The following PLXDC1 variants were observed in gnomAD, a reference collection of about 807,000 sequenced individuals.
PLXDC1 encodes plexin domain containing 1, also known as plexin domain-containing protein 1.
PLXDC1 carries 39 observed loss-of-function variants against 61.3 expected under a neutral mutation model. The observed-to-expected ratio is 0.64, with a 90% CI of 0.49 to 0.83. PLXDC1 has a LOEUF of 0.83. Ranked by LOEUF, PLXDC1 falls within the 40% of genes least tolerant of loss-of-function variation. The probability of loss-of-function intolerance (pLI) is 0.00; values close to 1 mark genes in which losing one functional copy is unlikely to be tolerated. For synonymous variants in PLXDC1, 212 were observed against 254.5 expected (o/e 0.83, Z 1.59); for missense variants, 596 against 666.5 (o/e 0.89, Z 1.17).
chr17:39,087,589 G>A lies in PLXDC1; in HGVS notation c.907+18C>T, dbSNP rs146051898. ...ACTCCAGAGCTCTTTCTGGGATGGC[G>A]GAATGACCCCTACTCACTCGGCAAT... On this transcript the variant is annotated intron_variant, in intron 8 of 13. Coordinates refer to ENST00000315392, the MANE Select transcript of PLXDC1 (RefSeq NM_020405.5). 461 of 1,591,844 alleles carry A rather than the reference G, an allele frequency of 2.9e-4. 3 individuals are homozygous for A. The East Asian group carries it at 9.5e-3, about 33-fold the overall frequency.
Position 39,066,361 on chromosome 17 carries a change from T to C in PLXDC1, c.*1479A>G, listed in dbSNP as rs1417243441. The C allele has an allele frequency of 2.0e-5, 3 of 152,232 alleles. No individual in the cohort carries two copies. Among genetic ancestry groups the C allele is most frequent in the Non-Finnish European group, 2.9e-5 (2 of 68,046 alleles). 9.4% of individuals were successfully genotyped at this position (152,232 alleles called of 1,614,324 possible). A position where few individuals can be genotyped will look rare whatever the true frequency, so the allele number is the denominator to read the frequency against. Reference sequence around the variant, plus strand: ...GTAACATGTTTTGATGCAGAAGTTATTGGTTCTGAGTAGAAAGGGCAAGGT... The same window carrying C: ...GTAACATGTTTTGATGCAGAAGTTACTGGTTCTGAGTAGAAAGGGCAAGGT... On this transcript the variant is annotated 3_prime_UTR_variant, in exon 14 of 14. Transcript: ENST00000315392.
At chr17:39,142,248 C>T (rs1420540837) in intron 1 of PLXDC1, among the ~76,000 whole-genome samples, 1 of 152,180 alleles carries the variant, frequency 6.6e-6, no homozygotes, top group Non-Finnish European at 1.5e-5. Flanking sequence ...CCTATCACTA[C>T]CTAGATACTG....
rs545365548 is a variant in PLXDC1 at position 39,105,903 on chromosome 17, G to A, written c.762C>T (p.Thr254=). Residue 254 remains threonine (T), a synonymous_variant, in exon 7 of 14, where the codon ACC becomes ACT. Coordinates refer to ENST00000315392, the MANE Select transcript of PLXDC1 (RefSeq NM_020405.5). ...EISSSQHPVK[T]GLSDAFMILN... ...GAATCATGAAGGCATCCGATAGGCC[G>A]GTTTTGACAGGATGCTGGGAGGAGC... is the stretch of plus-strand genomic sequence containing the variant. 22 of 1,614,002 alleles carry A rather than the reference G, an allele frequency of 1.4e-5. No individual in the cohort carries two copies. The highest frequency in any genetic ancestry group is 1.2e-4 in the South Asian group (11 of 91,074).
At chr17:39,128,107 A>ATACATATATATGTG (rs1911387079) in intron 2 of PLXDC1, among the ~76,000 whole-genome samples, 2 of 100,632 alleles carry the variant, frequency 2.0e-5, no homozygotes, top group Non-Finnish European at 3.9e-5. Context: ...GTATATATAT[A>ATACATATATATGTG]TATATATGTA....
At chr17:39,079,802 A>G (rs1369739864) in intron 9 of PLXDC1, 1 of 340,580 alleles carries the variant, frequency 2.9e-6, no homozygotes, top group African/African-American at 2.2e-5. Context: ...CTTTGGTGCT[A>G]GGGGAACCCA....
At chr17:39,096,785 T>C (rs558276360) in intron 7 of PLXDC1, 4 of 391,612 alleles carry the variant, frequency 1.0e-5, no homozygotes, top group Non-Finnish European at 2.1e-5. Flanking sequence ...GTTGCTTTTA[T>C]ACTAACCATG....
intron 7 of PLXDC1, among the ~76,000 whole-genome samples, chr17:39,101,737 A>G (rs1314512460): frequency 6.6e-6 from 1 of 152,178 alleles, no homozygotes; most frequent in African/African-American, 2.4e-5. Flanking sequence ...AGTCCCAAGT[A>G]GAAGCAGCAA....
intron 12 of PLXDC1, among the ~76,000 whole-genome samples, chr17:39,070,851 G>A (rs1909087307): frequency 2.0e-5 from 3 of 152,146 alleles, no homozygotes; most frequent in South Asian, 2.1e-4. Context: ...GGTGGCACGC[G>A]CCTGTAGTCC....
At chr17:39,076,962 T>TCCC (rs1909362313) in intron 11 of PLXDC1, among the ~76,000 whole-genome samples, 3 of 152,166 alleles carry the variant, frequency 2.0e-5, no homozygotes, top group Non-Finnish European at 4.4e-5. Flanking sequence ...CTCGAACTCC[T>TCCC]GACCTCGTGA....
At chr17:39,113,430 A>G (rs1910873078) in intron 2 of PLXDC1, among the ~76,000 whole-genome samples, 2 of 152,088 alleles carry the variant, frequency 1.3e-5, no homozygotes, top group Non-Finnish European at 2.9e-5. Context: ...GACAACCTGA[A>G]ATTGTTTTCC....
At chr17:39,090,311 T>A (rs1909897990) in intron 7 of PLXDC1, among the ~76,000 whole-genome samples, 1 of 151,626 alleles carries the variant, frequency 6.6e-6, no homozygotes, top group African/African-American at 2.4e-5. Flanking sequence ...CAATAAAGAT[T>A]CCCTGGAGCT....
At chr17:39,129,707 AGAAG>A (rs1369097786) in intron 2 of PLXDC1, among the ~76,000 whole-genome samples, 5 of 146,238 alleles carry the variant, frequency 3.4e-5, no homozygotes, top group South Asian at 2.1e-4. Flanking sequence ...AAAGAAAGAA[AGAAG>A]GAAAGAAAGA....
chr17:39,083,008 T>G (rs1909617655), intron 9 of PLXDC1, among the ~76,000 whole-genome samples: 1 of 152,146 alleles, frequency 6.6e-6, no homozygotes, highest in Non-Finnish European at 1.5e-5. Flanking sequence ...TGAGGTGGTG[T>G]TTTGGGGTCA....
chr17:39,090,720 C>T (rs781655430), intron 7 of PLXDC1, among the ~76,000 whole-genome samples: 22 of 152,162 alleles, frequency 1.4e-4, no homozygotes, highest in Admixed American at 2.6e-4. Flanking sequence ...CTCTCTGCCC[C>T]GACTGCTTTT....
At position 39,074,081 on chromosome 17, in the gene PLXDC1, G is replaced by A. The variant is rs117533462; in HGVS notation, c.1187-1596C>T. The stretch of plus-strand genomic sequence containing the variant: ...GCCTGTACCCTCATAGAATGTATGG[G>A]AAAGACTCTATCCCACACCTGCCTC... On this transcript the variant is annotated intron_variant, in intron 11 of 13. Coordinates refer to ENST00000315392, the MANE Select transcript of PLXDC1 (RefSeq NM_020405.5). Among the ~76,000 whole-genome samples the A allele has an allele frequency of 1.1e-3, 161 of 152,232 alleles. 1 individual carries two copies. The East Asian group carries it at 0.023, about 22-fold the overall frequency.
Position 39,093,718 on chromosome 17 carries a change from A to AAT in PLXDC1, c.812-6018_812-6017dup, listed in dbSNP as rs35254356. On this transcript the variant is annotated intron_variant, in intron 7 of 13. Coordinates refer to ENST00000315392, the MANE Select transcript of PLXDC1 (RefSeq NM_020405.5). Reference sequence around the variant, plus strand: ...GCGACAGAGAAAGACTCCGTCTTAAAATATATATATATATATATAAAATTA... The same window carrying AAT: ...GCGACAGAGAAAGACTCCGTCTTAAAATATATATATATATATATATAAAATTA... Among the ~76,000 whole-genome samples, 317 of 150,260 alleles carry AAT rather than the reference A, an allele frequency of 2.1e-3. 2 individuals carry two copies. The highest frequency in any genetic ancestry group is 3.8e-3 in the South Asian group (18 of 4,762).
At chr17:39,129,711 G>GGAAGGAAAGAAAGAAAGAAAGAAA (rs1911486272) in intron 2 of PLXDC1, among the ~76,000 whole-genome samples, 3 of 108,256 alleles carry the variant, frequency 2.8e-5, no homozygotes, top group African/African-American at 1.1e-4. Flanking sequence ...AAAGAAAGAA[G>GGAAGGAAAGAAAGAAAGAAAGAAA]GAAAGAAAGA....
chr17:39,081,634 A>G (rs904853503), intron 9 of PLXDC1, among the ~76,000 whole-genome samples: 60 of 150,840 alleles, frequency 4.0e-4, no homozygotes, highest in African/African-American at 1.4e-3. Context: ...CTCAAAAAAA[A>G]AAAAAATGCT....
chr17:39,152,622 G>A, upstream of PLXDC1: 1 of 1,249,488 alleles, frequency 8.0e-7, no homozygotes, highest in Non-Finnish European at 1.0e-6. Context: ...GCTTCTAGTG[G>A]GCTGGGGCCT....
Sources: gnomAD v4.1 joint callset for allele counts (sites outside exome capture counted in the v4.1 genomes callset) on GRCh38, gnomAD v4.1.1 for gene constraint, MANE v1.5 for transcripts, NCBI Gene and HGNC (gene_info 2026-07-23, HGNC 2026-07-21) for gene names.